IGF1R: variants seen among roughly 807,000 people sequenced by gnomAD.
IGF1R encodes insulin like growth factor 1 receptor.
A neutral mutation model predicts 144.6 loss-of-function variants in IGF1R; 44 were observed. The ratio of observed to expected loss-of-function variants is 0.30; its 90% CI spans 0.24 to 0.39. IGF1R has a LOEUF of 0.39. Among genes scored for constraint, IGF1R ranks in the 10% least tolerant of loss-of-function variants. The pLI, the probability that IGF1R is intolerant of heterozygous loss-of-function variation, is 1.00. For missense variants in IGF1R, 1,355 were observed against 1,833.7 expected, an observed-to-expected ratio of 0.74 and a Z score of 4.77; for synonymous variants, 795 against 722.8, an observed-to-expected ratio of 1.10 and a Z score of -1.60.
chr15:98,760,495 G>A (rs2175796), intron 2 of IGF1R, among the ~76,000 whole-genome samples: 8,111 of 152,234 alleles, frequency 0.053, 260 homozygotes, highest in East Asian at 0.12. Context: ...TTTTTATAAC[G>A]ATAGCTGTAA....
intron 2 of IGF1R, among the ~76,000 whole-genome samples, chr15:98,862,990 A>AT (rs1189491819): frequency 6.6e-6 from 1 of 152,044 alleles, no homozygotes; most frequent in Admixed American, 6.5e-5. Context: ...GGATTTCACT[A>AT]TTTTCCCACT....
intron 2 of IGF1R, among the ~76,000 whole-genome samples, chr15:98,820,410 T>A (rs997347171): frequency 1.3e-5 from 2 of 152,226 alleles, no homozygotes; most frequent in Admixed American, 6.5e-5. Context: ...CGTTTTACAT[T>A]GCTTGCATTA....
intron 2 of IGF1R, among the ~76,000 whole-genome samples, chr15:98,846,203 C>T (rs1033530424): frequency 6.6e-6 from 1 of 152,128 alleles, no homozygotes; most frequent in East Asian, 1.9e-4. Context: ...GTTGCATAAG[C>T]CTGCATAAAA....
At chr15:98,938,190 T>A (rs571579349) in intron 17 of IGF1R, among the ~76,000 whole-genome samples, 8 of 152,342 alleles carry the variant, frequency 5.3e-5, no homozygotes, top group East Asian at 3.9e-4. Context: ...CCAGGTCATC[T>A]TCTCGTCAGT....
chr15:98,911,591 T>A (rs968180427), intron 7 of IGF1R, 150 bp downstream of exon 7: 56 of 1,012,674 alleles, frequency 5.5e-5, no homozygotes, highest in Non-Finnish European at 8.3e-5. Flanking sequence ...TTCATCCTCA[T>A]GCACCCTCTC....
chr15:98,909,466 C>T (rs1001915694), intron 6 of IGF1R, among the ~76,000 whole-genome samples: 10 of 151,984 alleles, frequency 6.6e-5, no homozygotes, highest in Non-Finnish European at 1.5e-5. Context: ...ATCATGTTGG[C>T]CAGGCTGGCC....
chr15:98,914,661 G>A (rs751825908), intron 8 of IGF1R, among the ~76,000 whole-genome samples: 4 of 152,056 alleles, frequency 2.6e-5, no homozygotes, highest in African/African-American at 4.8e-5. Flanking sequence ...GGGAAACATA[G>A]GAATATCTGC....
intron 2 of IGF1R, among the ~76,000 whole-genome samples, chr15:98,708,339 C>G (rs1205784528): frequency 6.6e-6 from 1 of 152,172 alleles, no homozygotes; most frequent in Non-Finnish European, 1.5e-5. Context: ...TGGAGGCCAT[C>G]ATGGCTGCTG....
intron 9 of IGF1R, 30 bp from the exon 10 acceptor site, chr15:98,916,641 AC>A: frequency 6.3e-7 from 1 of 1,587,072 alleles, no homozygotes; most frequent in Middle Eastern, 1.7e-4. Flanking sequence ...TTTCATTCCC[AC>A]TCTTGTTTTG....
Position 98,962,583 on chromosome 15 carries a change from G to A in IGF1R, c.*5141G>A, listed in dbSNP as rs943939449. ...TTTTGGCCTTCATCTTAGATGACTG[G>A]TTGCGTCATTTGGAGAAGTGAGTGC... On this transcript the variant is annotated 3_prime_UTR_variant, in exon 21 of 21. Coordinates refer to ENST00000650285, the MANE Select transcript of IGF1R (RefSeq NM_000875.5). The A allele has an allele frequency of 1.1e-4, 25 of 233,690 alleles. No individual in the cohort carries two copies. The highest frequency in any genetic ancestry group is 5.3e-4 in the African/African-American group (24 of 45,352). 14.5% of individuals were successfully genotyped at this position (233,690 alleles called of 1,614,324 possible).
intron 2 of IGF1R, among the ~76,000 whole-genome samples, chr15:98,756,179 TA>T (rs1233472236): frequency 6.6e-6 from 1 of 152,092 alleles, no homozygotes; most frequent in Non-Finnish European, 1.5e-5. Context: ...TTATGTTTTT[TA>T]AATAATTTAA....
chr15:98,788,928 G>A (rs574560990), intron 2 of IGF1R, among the ~76,000 whole-genome samples: 45 of 152,056 alleles, frequency 3.0e-4, no homozygotes, highest in African/African-American at 1.1e-3. Flanking sequence ...GCTGATGAAA[G>A]CAAATGAAGA....
chr15:98,918,843 C>G (rs1440826954), intron 10 of IGF1R, among the ~76,000 whole-genome samples: 1 of 152,062 alleles, frequency 6.6e-6, no homozygotes, highest in African/African-American at 2.4e-5. Context: ...CGCACCGTTG[C>G]ACTCCAGCCT....
chr15:98,784,403 G>C (rs1031864155), intron 2 of IGF1R: 1 of 153,840 alleles, frequency 6.5e-6, no homozygotes. Flanking sequence ...CTGCTAGAAA[G>C]AATTTCTGCT....
At chr15:98,945,494 A>G (rs779454167) in intron 19 of IGF1R, among the ~76,000 whole-genome samples, 6 of 152,242 alleles carry the variant, frequency 3.9e-5, no homozygotes, top group Non-Finnish European at 7.3e-5. Context: ...AGAGACATGT[A>G]TCTACTGTTT....
At chr15:98,730,300 G>A (rs529267629) in intron 2 of IGF1R, among the ~76,000 whole-genome samples, 151 of 152,042 alleles carry the variant, frequency 9.9e-4, no homozygotes, top group African/African-American at 3.5e-3. Flanking sequence ...GACAGAATAA[G>A]TATATAACTA....
At chr15:98,867,154 G>GGAGAGAGAGA (rs60863950) in intron 2 of IGF1R, among the ~76,000 whole-genome samples, 158 of 146,230 alleles carry the variant, frequency 1.1e-3, no homozygotes, top group African/African-American at 3.1e-3. Context: ...AGAGAAAGGG[G>GGAGAGAGAGA]GAGAGAGAGA....
At chr15:98,833,389 C>A (rs993709753) in intron 2 of IGF1R, among the ~76,000 whole-genome samples, 4 of 152,160 alleles carry the variant, frequency 2.6e-5, no homozygotes, top group Admixed American at 6.5e-5. Context: ...CAGGTAGACA[C>A]CTTCCTAATG....
chr15:98,917,415 A>C (rs2015303165), intron 10 of IGF1R, among the ~76,000 whole-genome samples: 1 of 152,184 alleles, frequency 6.6e-6, no homozygotes, highest in African/African-American at 2.4e-5. Context: ...GACAGCCTGC[A>C]TTGGCTGTTT....
Sources: allele counts gnomAD v4.1 joint callset (sites outside exome capture counted in the v4.1 genomes callset), GRCh38; gene constraint gnomAD v4.1.1; transcripts MANE v1.5; gene names NCBI Gene and HGNC (gene_info 2026-07-23, HGNC 2026-07-21).